Variants in GSN observed in about 807,000 individuals in gnomAD.
GSN encodes the protein gelsolin, also known as actin-depolymerizing factor.
Under a neutral mutation model 85.7 loss-of-function variants are expected in GSN, and 56 were observed. The observed-to-expected ratio is 0.65, with a 90% CI of 0.53 to 0.82. The LOEUF (loss-of-function observed/expected upper bound fraction) is 0.82, where lower values mean the gene tolerates loss of function less well. GSN is among the 40% of genes least tolerant of loss of function. GSN has a pLI of 0.00. For missense variants in GSN, 857 were observed against 979.8 expected, an observed-to-expected ratio of 0.87 and a Z score of 1.67; for synonymous variants, 373 against 399.1, an observed-to-expected ratio of 0.93 and a Z score of 0.78.
chr9:121,300,087 G>A lies in GSN; in HGVS notation c.-9-1876G>A, dbSNP rs746089562. ...CAGATACAGCGCTAGGAAAAGGGGA[G>A]TAATTCAGGTCTAGAATGGAAAAAC... On this transcript the variant is annotated intron_variant, in intron 2 of 17. Transcript: ENST00000432226. The A allele has an allele frequency of 3.1e-6, 5 of 1,611,214 alleles. No homozygotes were observed. In the East Asian group the frequency reaches 6.7e-5, roughly 22 times the overall value.
chr9:121,296,863 C>G (rs985365691), intron 2 of GSN, among the ~76,000 whole-genome samples: 1 of 152,230 alleles, frequency 6.6e-6, no homozygotes, highest in African/African-American at 2.4e-5. Context: ...TGTTCACCAG[C>G]TCTCCTGTGC....
intron 5 of GSN, among the ~76,000 whole-genome samples, chr9:121,231,838 G>A (rs2054394638): frequency 6.6e-6 from 1 of 152,136 alleles, no homozygotes; most frequent in African/African-American, 2.4e-5. Context: ...CCAGCACTTT[G>A]GGGTGCCAAA....
At position 121,329,462 on chromosome 9, in the gene GSN, C is replaced by T; in HGVS notation, c.1965+147C>T. On this transcript the variant is annotated intron_variant, in intron 16 of 17. Coordinates refer to ENST00000432226, the MANE Select transcript of GSN (RefSeq NM_198252.3). This position sits in a 1 kb window ranked among gnomAD's most constrained non-coding sequence, Gnocchi z 4.6. ...TCTCTAAGGGTACTGGAAGTCACTT[C>T]TTCTTTCTGAGCTTCCATTTCCTCA... The T allele has an allele frequency of 2.9e-6, 2 of 689,956 alleles. No homozygotes were observed. Among genetic ancestry groups the T allele is most frequent in the East Asian group, 2.7e-5 (1 of 36,454 alleles). 42.7% of individuals were successfully genotyped at this position (689,956 alleles called of 1,614,324 possible).
intron 12 of GSN, among the ~76,000 whole-genome samples, chr9:121,326,205 C>T (rs1434869211): frequency 6.6e-6 from 1 of 151,508 alleles, no homozygotes; most frequent in Non-Finnish European, 1.5e-5. Context: ...CCCTGTGCTT[C>T]TATTTAAGGG....
intron 6 of GSN, among the ~76,000 whole-genome samples, chr9:121,250,361 C>T (rs1259723122): frequency 6.6e-6 from 1 of 152,216 alleles, no homozygotes; most frequent in South Asian, 2.1e-4. Context: ...CCTGCCACTA[C>T]ACCCAGCTAA....
At chr9:121,213,782 G>T (rs921977987) in intron 4 of GSN, among the ~76,000 whole-genome samples, 3 of 152,174 alleles carry the variant, frequency 2.0e-5, no homozygotes, top group Non-Finnish European at 1.5e-5. Flanking sequence ...CTAGACCAGA[G>T]CCCAAGTCTC....
chr9:121,293,654 C>T (rs111957450), intron 2 of GSN, among the ~76,000 whole-genome samples: 9,086 of 149,322 alleles, frequency 0.061, 308 homozygotes, highest in South Asian at 0.079. Context: ...GCCGAGATCA[C>T]GCCGCTGCAC....
At position 121,299,474 on chromosome 9, in the gene GSN, A is replaced by C. The variant is rs2059545656; in HGVS notation, c.-9-2489A>C. The C allele has an allele frequency of 1.1e-5, 11 of 985,120 alleles. No homozygotes were observed. The highest frequency in any genetic ancestry group is 1.3e-5 in the Non-Finnish European group (11 of 829,722). 61.0% of individuals were successfully genotyped at this position (985,120 alleles called of 1,614,324 possible). A position where few individuals can be genotyped will look rare whatever the true frequency, so the allele number is the denominator to read the frequency against. On this transcript the variant is annotated intron_variant, in intron 2 of 17. Coordinates refer to ENST00000432226, the MANE Select transcript of GSN (RefSeq NM_198252.3). This position sits in a 1 kb window ranked among gnomAD's most constrained non-coding sequence, Gnocchi z 4.2. ...AAAGGATGTGCTGATGCCTCGGTGA[A>C]AAGCTTTCAAAAATTGTTAGTTCAT... is the stretch of plus-strand genomic sequence containing the variant.
chr9:121,284,787 G>A (rs913765), intron 2 of GSN: 3,099 of 167,224 alleles, frequency 0.019, 105 homozygotes, highest in African/African-American at 0.071. Flanking sequence ...TGATCCATGG[G>A]ATTTCAGAAC....
chr9:121,293,985 G>A (rs2058965063), intron 2 of GSN, among the ~76,000 whole-genome samples: 1 of 152,206 alleles, frequency 6.6e-6, no homozygotes, highest in Non-Finnish European at 1.5e-5. Context: ...CTGCTAATAA[G>A]TGATAGACCG....
At chr9:121,250,680 G>A (rs2054805476) in intron 6 of GSN, among the ~76,000 whole-genome samples, 1 of 151,266 alleles carries the variant, frequency 6.6e-6, no homozygotes, top group African/African-American at 2.4e-5. Flanking sequence ...TGAGACTACA[G>A]GCATGTGCCA....
intron 2 of GSN, among the ~76,000 whole-genome samples, chr9:121,289,780 C>A (rs954052940): frequency 1.6e-4 from 24 of 152,128 alleles, no homozygotes; most frequent in Admixed American, 2.0e-4. Context: ...GGTGATGGCA[C>A]AGGGGATGTT....
chr9:121,268,691 C>T, intron 1 of GSN, among the ~76,000 whole-genome samples: 1 of 152,200 alleles, frequency 6.6e-6, no homozygotes, highest in East Asian at 1.9e-4. Flanking sequence ...CTTCCTCTTT[C>T]TGGGGACTGT....
chr9:121,259,034 A>T (rs2055026420), intron 6 of GSN, among the ~76,000 whole-genome samples: 1 of 152,264 alleles, frequency 6.6e-6, no homozygotes, highest in Non-Finnish European at 1.5e-5. Flanking sequence ...AGCTAGAAAC[A>T]TAAACAGGTA....
At chr9:121,313,671 C>T (rs184499689) in intron 6 of GSN, 58 of 543,638 alleles carry the variant, frequency 1.1e-4, no homozygotes, top group Admixed American at 4.0e-4. Flanking sequence ...AGCCGGTAGG[C>T]GAAATATCTG....
chr9:121,294,000 C>G (rs1239330507), intron 2 of GSN, among the ~76,000 whole-genome samples: 1 of 152,234 alleles, frequency 6.6e-6, no homozygotes, highest in Admixed American at 6.5e-5. Context: ...AGACCGGGGA[C>G]TTAAATGCAG....
At chr9:121,208,383 G>A (rs1405901022) in intron 1 of GSN, among the ~76,000 whole-genome samples, 1 of 152,132 alleles carries the variant, frequency 6.6e-6, no homozygotes, top group Non-Finnish European at 1.5e-5. Context: ...TAGAATACAT[G>A]GGTTCAGATG....
At chr9:121,311,781 G>A (rs757089813) in intron 5 of GSN, 1 of 153,460 alleles carries the variant, frequency 6.5e-6, no homozygotes, top group Non-Finnish European at 1.5e-5. Context: ...TTAGTTGTAG[G>A]TTGTTCATTT....
intron 5 of GSN, chr9:121,231,376 G>C (rs547974780): frequency 6.6e-6 from 1 of 151,916 alleles, no homozygotes; most frequent in Non-Finnish European, 1.5e-5. Flanking sequence ...TTGATAACTC[G>C]TGAAAGCCTT....
Sources: allele counts gnomAD v4.1 joint callset (sites outside exome capture counted in the v4.1 genomes callset), GRCh38; gene constraint gnomAD v4.1.1; non-coding constraint Gnocchi (gnomAD v3.1); transcripts MANE v1.5; gene names NCBI Gene and HGNC (gene_info 2026-07-23, HGNC 2026-07-21).